ANKLE2: variants seen among roughly 807,000 people sequenced by gnomAD.
ANKLE2 encodes the protein ankyrin repeat and LEM domain-containing protein 2.
Under a neutral mutation model 84.2 loss-of-function variants are expected in ANKLE2, and 55 were observed. The ratio of observed to expected loss-of-function variants is 0.65; its 90% CI spans 0.53 to 0.82. ANKLE2 has a LOEUF of 0.82. Ranked by LOEUF, ANKLE2 falls within the 40% of genes least tolerant of loss-of-function variation. ANKLE2 has a pLI of 0.00. For synonymous variants in ANKLE2, 551 were observed against 486.1 expected, an observed-to-expected ratio of 1.13 and a Z score of -1.76; for missense variants, 1,238 against 1,201.9, an observed-to-expected ratio of 1.03 and a Z score of -0.44.
chr12:132,747,827 C>T lies in ANKLE2; in HGVS notation c.1230+5G>A, dbSNP rs370481968. 6.3e-5 allele frequency: 100 copies of T among 1,591,806 alleles called. No individual in the cohort carries two copies. The highest frequency in any genetic ancestry group is 1.2e-4 in the African/African-American group (9 of 73,276). ...AGAAAGCGTGAGTGGAGGGTGTGCA[C>T]GCACCATCTTGTCGGGGGTGTTGAG... On this transcript the variant is annotated splice_donor_5th_base_variant and intron_variant, in intron 5 of 12. Transcript: ENST00000357997.
At chr12:132,730,542 G>T (rs1159029650) in intron 10 of ANKLE2, 1 of 426,130 alleles carries the variant, frequency 2.3e-6, no homozygotes, top group Non-Finnish European at 4.3e-6. Context: ...GGCTGCTGGG[G>T]CCAGGCACAG....
chr12:132,746,348 C>CAAAAAAAAAAAAAAAAA (rs566130639), intron 5 of ANKLE2, among the ~76,000 whole-genome samples: 55 of 66,476 alleles, frequency 8.3e-4, no homozygotes, highest in African/African-American at 1.3e-3. Flanking sequence ...GACTCTGTCT[C>CAAAAAAAAAAAAAAAAA]AAAAAAAAAA....
At chr12:132,751,958 C>T (rs984525841) in intron 2 of ANKLE2, among the ~76,000 whole-genome samples, 9 of 152,118 alleles carry the variant, frequency 5.9e-5, no homozygotes, top group East Asian at 5.8e-4. Flanking sequence ...ATGAGACTAT[C>T]GTAAATACAT....
intron 6 of ANKLE2, chr12:132,741,836 AG>A (rs745340952): frequency 1.9e-5 from 9 of 473,240 alleles, no homozygotes; most frequent in African/African-American, 5.9e-5. Context: ...TTCCACTTAC[AG>A]GAAGCCTGGT....
chr12:132,737,307 T>C (rs1404481664), intron 7 of ANKLE2: 4 of 430,026 alleles, frequency 9.3e-6, no homozygotes, highest in East Asian at 3.6e-5. Context: ...CCTCCACTGC[T>C]ACAAGAAAAG....
chr12:132,755,003 T>C lies in ANKLE2; in HGVS notation c.312A>G (p.Lys104=), dbSNP rs756014205. 2.5e-6 allele frequency: 4 copies of C among 1,614,200 alleles called. No homozygotes were observed. The highest frequency in any genetic ancestry group is 2.5e-6 in the Non-Finnish European group (3 of 1,180,048). The change falls in exon 2 of 13, where the codon AAA becomes AAG. Residue 104 remains lysine, a synonymous_variant. Coordinates refer to ENST00000357997, the MANE Select transcript of ANKLE2 (RefSeq NM_015114.3). The part of the protein sequence containing the change: ...ITSTTRFIFE[K]KLAQALLEQG... ...GCTCCAGTAAAGCCTGAGCCAATTTTTTCTCAAAAATGAACCTTGTAGTTG... is the reference window on the plus strand; with the variant it reads ...GCTCCAGTAAAGCCTGAGCCAATTTCTTCTCAAAAATGAACCTTGTAGTTG...
At chr12:132,747,730 A>G (rs779670200) in intron 5 of ANKLE2, 102 bp downstream of exon 5, 104 of 1,428,958 alleles carry the variant, frequency 7.3e-5, no homozygotes, top group Non-Finnish European at 9.2e-5. Flanking sequence ...CTTTTCCCCA[A>G]AGTTATTATA....
rs560449505 is a variant in ANKLE2, at chr12:132,739,630, G to A, written c.1420+1789C>T. Reference sequence around the variant, plus strand: ...AGATGGGACTCACGGTCTCTGGACAGTTTTGTGCCTGGCTTTCTGATCCTA... The same window carrying A: ...AGATGGGACTCACGGTCTCTGGACAATTTTGTGCCTGGCTTTCTGATCCTA... On this transcript the variant is annotated intron_variant, in intron 7 of 12. Transcript: ENST00000357997. Among the ~76,000 whole-genome samples, 4 of 152,354 alleles carry A rather than the reference G, an allele frequency of 2.6e-5. No homozygotes were observed. The East Asian group carries it at 7.7e-4, about 29-fold the overall frequency.
Position 132,747,957 on chromosome 12 carries a change from G to C in ANKLE2, c.1105C>G (p.Leu369Val). 6.3e-7 allele frequency: 1 copy of C among 1,599,126 alleles called. No individual in the cohort carries two copies. Among genetic ancestry groups the C allele is most frequent in the Non-Finnish European group, 8.5e-7 (1 of 1,176,374 alleles). The change falls in exon 5 of 13, where the codon CTG becomes GTG. Residue 369 changes from leucine (L) to valine (V), a missense_variant. By Grantham distance (32) the Leu-to-Val change is conservative. Transcript: ENST00000357997. ...AKENQASICQ[L>V]TLDVLENPDF... is the part of the protein sequence containing the mutation. ...GGGTTCTCCAGGACGTCCAGAGTCA[G>C]CTGGCAGATGGAAGCCTGGTTCTCT...
At position 132,755,111 on chromosome 12, in the gene ANKLE2, C is replaced by T; in HGVS notation, c.204G>A (p.Leu68=). 1 of 1,606,074 alleles carries T rather than the reference C, an allele frequency of 6.2e-7. No individual in the cohort carries two copies. Among genetic ancestry groups the T allele is most frequent in the Non-Finnish European group, 8.5e-7 (1 of 1,178,688 alleles). The change falls in exon 2 of 13, where the codon CTG becomes CTA. Residue 68 remains leucine, a synonymous_variant. Transcript: ENST00000357997. ...GATTCAGAAGTTTCAATCGAGCCAA[C>T]AGAGCATCCATTGTCATTTCACCTA... ...PASGEMTMDA[L]LARLKLLNPD...
chr12:132,734,012 T>A, intron 10 of ANKLE2: 1 of 461,972 alleles, frequency 2.2e-6, no homozygotes, highest in Non-Finnish European at 4.3e-6. Flanking sequence ...AGCACTCTAG[T>A]GGATCACGAG....
intron 2 of ANKLE2, 185 bp from the exon 3 acceptor site, chr12:132,751,034 A>G: frequency 1.7e-6 from 1 of 602,146 alleles, no homozygotes; most frequent in Non-Finnish European, 2.9e-6. Flanking sequence ...CAAGCTCGAC[A>G]GTGTGCATAT....
chr12:132,735,530 T>G lies in ANKLE2; in HGVS notation c.1594-18A>C, dbSNP rs754390588. The G allele has an allele frequency of 8.1e-6, 13 of 1,598,280 alleles. No individual in the cohort carries two copies. The highest frequency in any genetic ancestry group is 1.1e-5 in the Non-Finnish European group (13 of 1,168,624). On this transcript the variant is annotated intron_variant, in intron 8 of 12. Coordinates refer to ENST00000357997, the MANE Select transcript of ANKLE2 (RefSeq NM_015114.3). ...TCTTCTGCCTATGAAGAAAAAAAAATGTATTGAGCCGTGTCAGGCACTGCG... is the reference window on the plus strand; with the variant it reads ...TCTTCTGCCTATGAAGAAAAAAAAAGGTATTGAGCCGTGTCAGGCACTGCG...
intron 11 of ANKLE2, among the ~76,000 whole-genome samples, chr12:132,728,941 A>G (rs1174285044): frequency 6.6e-6 from 1 of 152,188 alleles, no homozygotes; most frequent in Non-Finnish European, 1.5e-5. Flanking sequence ...GCACATCCCT[A>G]GCAAATAACA....
intron 1 of ANKLE2, chr12:132,755,354 G>A: frequency 2.3e-6 from 1 of 442,440 alleles, no homozygotes; most frequent in Non-Finnish European, 4.0e-6. Flanking sequence ...GACCAGCCCG[G>A]CCAACATGGT....
rs1277227641 is a variant in ANKLE2, at chr12:132,728,120, C to G, written c.2527G>C (p.Glu843Gln). 2.5e-6 allele frequency: 4 copies of G among 1,612,906 alleles called. No individual in the cohort carries two copies. Among genetic ancestry groups the G allele is most frequent in the African/African-American group, 2.7e-5 (2 of 74,928 alleles). ...KLDQDVLAAL[E>Q]CADVDPHQFP... ...TGATGGGGGTCGACGTCTGCACATT[C>G]AAGAGCGGCCAAAACATCCTGATCG... Residue 843 changes from glutamate to glutamine, a missense_variant, in exon 12 of 13, where the codon GAA becomes CAA. Glu to Gln is a conservative substitution (Grantham distance 29, BLOSUM62 2). Around this residue, in one of 3 missense-constraint regions of ANKLE2, gnomAD observed 802 missense variants for 774.5 expected, o/e 1.04. Coordinates refer to ENST00000357997, the MANE Select transcript of ANKLE2 (RefSeq NM_015114.3).
At position 132,754,972 on chromosome 12, in the gene ANKLE2, C is replaced by T. The variant is rs1391511933; in HGVS notation, c.343G>A (p.Gly115Arg). 5.6e-6 allele frequency: 9 copies of T among 1,614,106 alleles called. No homozygotes were observed. The highest frequency in any genetic ancestry group is 1.7e-5 in the Admixed American group (1 of 59,996). ...TGGTGGTAGAAAGAAGACAGCCTTC[C>T]TCCTTGCTCCAGTAAAGCCTGAGCC... ...KLAQALLEQG[G>R]RLSSFYHHEA... is the part of the protein sequence containing the mutation. The change falls in exon 2 of 13, where the codon GGA (glycine) becomes AGA (arginine). Residue 115 changes from glycine (G) to arginine (R), a missense_variant. Physicochemically the swap from Gly to Arg is moderately radical, Grantham distance 125. Around this residue, in one of 3 missense-constraint regions of ANKLE2, gnomAD observed 422 missense variants for 394.5 expected, o/e 1.07. Coordinates refer to ENST00000357997, the MANE Select transcript of ANKLE2 (RefSeq NM_015114.3).
At chr12:132,727,502 A>G (rs939316833) in intron 12 of ANKLE2, 59 bp from the exon 13 acceptor site, 4 of 1,440,988 alleles carry the variant, frequency 2.8e-6, no homozygotes, top group East Asian at 2.9e-5. Context: ...ATGAACAGCA[A>G]AAGTCGGAGA....
chr12:132,753,296 C>G (rs2044399179), intron 2 of ANKLE2, among the ~76,000 whole-genome samples: 1 of 151,736 alleles, frequency 6.6e-6, no homozygotes, highest in South Asian at 2.1e-4. Context: ...ACACCCCAAC[C>G]TGGGTGAGAG....
Sources: allele counts gnomAD v4.1 joint callset (sites outside exome capture counted in the v4.1 genomes callset), GRCh38; gene constraint gnomAD v4.1.1; regional missense constraint gnomAD v4.1.1; transcripts MANE v1.5; gene names NCBI Gene and HGNC (gene_info 2026-07-23, HGNC 2026-07-21).